Variants in ASIC2 observed in about 807,000 individuals in gnomAD.
ASIC2 encodes acid-sensing ion channel 2.
Under a neutral mutation model 57.3 loss-of-function variants are expected in ASIC2, and 25 were observed. The observed-to-expected ratio is 0.44, with a 90% CI of 0.32 to 0.61. The LOEUF (loss-of-function observed/expected upper bound fraction) is 0.61. ASIC2 is among the 20% of genes least tolerant of loss of function. ASIC2 has a pLI of 0.06. For synonymous variants in ASIC2, 319 were observed against 307.5 expected (o/e 1.04, Z -0.39); for missense variants, 641 against 738.1 (o/e 0.87, Z 1.52).
intron 1 of ASIC2, among the ~76,000 whole-genome samples, chr17:33,856,746 A>C (rs1913965912): frequency 6.6e-6 from 1 of 152,160 alleles, no homozygotes; most frequent in Non-Finnish European, 1.5e-5. Context: ...TTCCTAGCAG[A>C]GGTCATAGCA....
chr17:33,987,692 T>G (rs1000065966), intron 1 of ASIC2, among the ~76,000 whole-genome samples: 2 of 152,072 alleles, frequency 1.3e-5, no homozygotes, highest in African/African-American at 4.8e-5. Flanking sequence ...CAGAAAGCAT[T>G]TACTGAGGCA....
chr17:33,185,647 A>G (rs770353157), intron 1 of ASIC2, among the ~76,000 whole-genome samples: 2 of 152,138 alleles, frequency 1.3e-5, no homozygotes, highest in Admixed American at 6.6e-5. Flanking sequence ...AATTCACAAG[A>G]TAAGAGTACA....
At chr17:33,967,257 A>G (rs1222978085) in intron 1 of ASIC2, among the ~76,000 whole-genome samples, 1 of 151,786 alleles carries the variant, frequency 6.6e-6, no homozygotes, top group East Asian at 1.9e-4. Context: ...TGAGAGAGAG[A>G]GAGGGTCTTG....
rs1179780592 is a variant in ASIC2 at position 33,234,364 on chromosome 17, C to T, written c.708+57044G>A. On this transcript the variant is annotated intron_variant, in intron 1 of 9. Coordinates refer to ENST00000225823, the MANE Select transcript of ASIC2 (RefSeq NM_183377.2). ...CCGTGGATATGTGGCCCTGGCTGGG[C>T]CCCTGCAGAGTCCGGCTTGGTGGTA... is the stretch of plus-strand genomic sequence containing the variant. Among the ~76,000 whole-genome samples, 4 of 152,256 alleles carry T rather than the reference C, an allele frequency of 2.6e-5. No individual in the cohort carries two copies. In the East Asian group the frequency reaches 5.8e-4, roughly 22 times the overall value.
At chr17:33,167,814 G>A (rs971964106) in intron 1 of ASIC2, among the ~76,000 whole-genome samples, 2 of 147,262 alleles carry the variant, frequency 1.4e-5, no homozygotes, top group African/African-American at 4.9e-5. Flanking sequence ...ATTTGCTTAA[G>A]GCCAACCCAT....
intron 3 of ASIC2, among the ~76,000 whole-genome samples, chr17:33,034,151 T>A (rs985830935): frequency 2.0e-5 from 3 of 152,300 alleles, no homozygotes; most frequent in South Asian, 4.1e-4. Context: ...TGAGCTCTTC[T>A]AACACTAAAT....
intron 1 of ASIC2, among the ~76,000 whole-genome samples, chr17:33,757,491 T>A (rs1383804836): frequency 6.6e-6 from 1 of 152,164 alleles, no homozygotes; most frequent in Non-Finnish European, 1.5e-5. Flanking sequence ...CTGTTCATTT[T>A]GCACTTAATG....
intron 1 of ASIC2, among the ~76,000 whole-genome samples, chr17:33,972,515 T>G (rs1451492256): frequency 6.6e-6 from 1 of 152,192 alleles, no homozygotes; most frequent in Non-Finnish European, 1.5e-5. Flanking sequence ...GGTTTCTGAC[T>G]ATACAGCATG....
chr17:34,099,166 A>AG (rs1567820948), intron 1 of ASIC2, among the ~76,000 whole-genome samples: 4 of 5,952 alleles, frequency 6.7e-4, no homozygotes, highest in East Asian at 3.5e-3. Context: ...GAGAGAGAGA[A>AG]AGAAAGAAAG....
At chr17:33,943,056 A>C (rs955876445) in intron 1 of ASIC2, among the ~76,000 whole-genome samples, 2 of 152,228 alleles carry the variant, frequency 1.3e-5, no homozygotes, top group African/African-American at 4.8e-5. Context: ...GGTAGGTACT[A>C]TTGTACCTAT....
chr17:33,944,268 C>A (rs1597942237), intron 1 of ASIC2, among the ~76,000 whole-genome samples: 1 of 152,320 alleles, frequency 6.6e-6, no homozygotes, highest in East Asian at 1.9e-4. Flanking sequence ...GAGGGTGTGA[C>A]CCATAGGGTC....
intron 1 of ASIC2, among the ~76,000 whole-genome samples, chr17:33,572,868 A>G (rs892379388): frequency 6.6e-6 from 1 of 152,196 alleles, no homozygotes; most frequent in African/African-American, 2.4e-5. Flanking sequence ...ATCTCTGGGA[A>G]CATTCCATTC....
intron 1 of ASIC2, among the ~76,000 whole-genome samples, chr17:33,686,915 A>G (rs974455794): frequency 6.6e-6 from 1 of 152,176 alleles, no homozygotes; most frequent in Non-Finnish European, 1.5e-5. Context: ...AGGGAGGGGC[A>G]GGGGTTGGGA....
intron 1 of ASIC2, among the ~76,000 whole-genome samples, chr17:33,187,210 C>T (rs566449058): frequency 6.6e-6 from 1 of 152,314 alleles, no homozygotes; most frequent in East Asian, 1.9e-4. Flanking sequence ...CTCAGTTCTT[C>T]TCCATGACAA....
intron 1 of ASIC2, among the ~76,000 whole-genome samples, chr17:33,369,073 T>C (rs569214341): frequency 6.6e-6 from 1 of 152,200 alleles, no homozygotes; most frequent in Non-Finnish European, 1.5e-5. Context: ...TTATCCTTGG[T>C]GGTGAATAAA....
chr17:33,520,579 G>C (rs1005050855), intron 1 of ASIC2, among the ~76,000 whole-genome samples: 4 of 152,204 alleles, frequency 2.6e-5, no homozygotes, highest in Non-Finnish European at 5.9e-5. Flanking sequence ...AGCACACAAG[G>C]AGCCTCAGGA....
At position 33,648,023 on chromosome 17, in the gene ASIC2, A is replaced by T. The variant is rs1906799667; in HGVS notation, c.555+507955T>A. Among the ~76,000 whole-genome samples the T allele has an allele frequency of 2.0e-5, 3 of 152,330 alleles. No homozygotes were observed. In the South Asian group the frequency reaches 6.2e-4, roughly 32 times the overall value. On this transcript the variant is annotated intron_variant, in intron 1 of 9. Transcript: ENST00000359872. ...TCCTGGCTTCATCTCTGGGCTTGGC[A>T]TGTGAGGACGGTCCCCATCATGAAT...
chr17:33,917,959 ATGTG>A (rs1171908978), intron 1 of ASIC2, among the ~76,000 whole-genome samples: 5 of 146,140 alleles, frequency 3.4e-5, no homozygotes, highest in African/African-American at 1.3e-4. Flanking sequence ...ACACACGTGC[ATGTG>A]CACACACACA....
At chr17:33,203,132 C>T (rs1906940611) in intron 1 of ASIC2, among the ~76,000 whole-genome samples, 1 of 152,172 alleles carries the variant, frequency 6.6e-6, no homozygotes, top group East Asian at 1.9e-4. Context: ...GCCCATGGCC[C>T]CTTTCATCCT....
Sources: gnomAD v4.1 joint callset for allele counts (sites outside exome capture counted in the v4.1 genomes callset) on GRCh38, gnomAD v4.1.1 for gene constraint, MANE v1.5 for transcripts, NCBI Gene and HGNC (gene_info 2026-07-23, HGNC 2026-07-21) for gene names.